The following CNTNAP4 variants were observed in gnomAD, a reference collection of about 807,000 sequenced individuals.
CNTNAP4 encodes the protein contactin-associated protein-like 4.
A neutral mutation model predicts 148.4 loss-of-function variants in CNTNAP4; 98 were observed. That is an observed-to-expected ratio of 0.66 (90% CI 0.56 to 0.78). The LOEUF (loss-of-function observed/expected upper bound fraction) is 0.78. Ranked by LOEUF, CNTNAP4 falls within the 30% of genes least tolerant of loss-of-function variation. The pLI, the probability that CNTNAP4 is intolerant of heterozygous loss-of-function variation, is 0.00. For missense variants in CNTNAP4, 1,935 were observed against 1,565.6 expected (o/e 1.24, Z -3.98); for synonymous variants, 730 against 565.1 (o/e 1.29, Z -4.14).
In CNTNAP4 at chr16:76,467,516, TCAGA is replaced by T. The variant is rs1301877266; in HGVS notation, c.1652_1655del (p.Asp551GlyfsTer58). On this transcript the variant is annotated frameshift_variant, in exon 10 of 24. Transcript: ENST00000611870. LOFTEE classifies it high-confidence loss of function. ...CCTTCAGATAGACTCATGTGGCATC[TCAGA>T]CAGGTAAGGGCAATCTCACTTCATT... 6.2e-7 allele frequency: 1 copy of T among 1,609,024 alleles called. No homozygotes were observed.
At chr16:76,477,217 T>G (rs2143632077) in intron 11 of CNTNAP4, among the ~76,000 whole-genome samples, 1 of 152,246 alleles carries the variant, frequency 6.6e-6, no homozygotes, top group East Asian at 1.9e-4. Context: ...AAATCATGAA[T>G]TTGTTTTTCT....
chr16:76,461,836 T>G (rs1215017735), intron 8 of CNTNAP4, 120 bp from the exon 9 acceptor site: 2 of 753,884 alleles, frequency 2.7e-6, no homozygotes, highest in African/African-American at 3.5e-5. Context: ...GTCATTGTTT[T>G]TAATTAATAA....
chr16:76,332,053 G>A (rs1357520381), intron 2 of CNTNAP4, among the ~76,000 whole-genome samples: 1 of 152,160 alleles, frequency 6.6e-6, no homozygotes, highest in African/African-American at 2.4e-5. Context: ...TGGCCGCCCT[G>A]GTTTCTGCCC....
At chr16:76,526,227 C>T (rs911348084) in intron 17 of CNTNAP4, among the ~76,000 whole-genome samples, 2 of 151,812 alleles carry the variant, frequency 1.3e-5, no homozygotes, top group African/African-American at 4.8e-5. Context: ...GAATTCCAGG[C>T]CATGGCTCAA....
At position 76,558,538 on chromosome 16, in the gene CNTNAP4, C is replaced by T. The variant is rs1179329730; in HGVS notation, c.3782C>T (p.Ala1261Val). 1 of 1,611,236 alleles carries T rather than the reference C, an allele frequency of 6.2e-7. No homozygotes were observed. The highest frequency in any genetic ancestry group is 1.7e-5 in the Admixed American group (1 of 59,980). Residue 1261 changes from alanine (A) to valine (V), a missense_variant, in exon 24 of 24, where the codon GCT becomes GTT. By Grantham distance (64) the Ala-to-Val change is moderately conservative (BLOSUM62 0). Transcript: ENST00000611870. ...ATCTTGCTTTGCATCACTGCCATAG[C>T]TGTTCGCATTTATCAGCAGAAAAGG... ...IFILLCITAI[A>V]VRIYQQKRLY...
chr16:76,553,217 AT>A, intron 21 of CNTNAP4, 65 bp from the exon 22 acceptor site: 2 of 953,944 alleles, frequency 2.1e-6, no homozygotes, highest in South Asian at 3.3e-5. Flanking sequence ...AGAATCCTCA[AT>A]TTCTGCATCA....
chr16:76,522,157 G>T lies in CNTNAP4; in HGVS notation c.2655G>T (p.Met885Ile). 1.2e-6 allele frequency: 2 copies of T among 1,613,946 alleles called. No homozygotes were observed. The highest frequency in any genetic ancestry group is 1.7e-6 in the Non-Finnish European group (2 of 1,179,840). Residue 885 changes from methionine to isoleucine, a missense_variant, in exon 17 of 24, where the codon ATG becomes ATT. Physicochemically the swap from Met to Ile is conservative, Grantham distance 10. Transcript: ENST00000611870. Reference sequence around the variant, plus strand: ...ACCATGTGAGGGTTGAAAGGAACATGAAGGAGGCCTCCCTTCAAGTGGATC... The same window carrying T: ...ACCATGTGAGGGTTGAAAGGAACATTAAGGAGGCCTCCCTTCAAGTGGATC... ...QWHHVRVERN[M>I]KEASLQVDQL...
At chr16:76,471,037 A>C (rs575618154) in intron 10 of CNTNAP4, among the ~76,000 whole-genome samples, 1 of 129,032 alleles carries the variant, frequency 7.8e-6, no homozygotes, top group East Asian at 2.3e-4. Context: ...TACACTCATA[A>C]GTCCTTCCCA....
At chr16:76,537,378 A>C (rs1443337665) in intron 18 of CNTNAP4, among the ~76,000 whole-genome samples, 2 of 152,178 alleles carry the variant, frequency 1.3e-5, no homozygotes, top group African/African-American at 4.8e-5. Context: ...GGAGAGAAGC[A>C]GATTCAGGGA....
intron 2 of CNTNAP4, among the ~76,000 whole-genome samples, chr16:76,318,830 C>A (rs1962105821): frequency 6.6e-6 from 1 of 150,556 alleles, no homozygotes; most frequent in Admixed American, 6.6e-5. Context: ...CATAACATTT[C>A]TCATAATATT....
chr16:76,369,763 G>C (rs2014579500), intron 3 of CNTNAP4, among the ~76,000 whole-genome samples: 1 of 152,238 alleles, frequency 6.6e-6, no homozygotes, highest in Non-Finnish European at 1.5e-5. Flanking sequence ...GATCGCTTCA[G>C]CCTGGGAAGC....
intron 4 of CNTNAP4, among the ~76,000 whole-genome samples, chr16:76,437,844 C>A (rs2079888270): frequency 6.6e-6 from 1 of 152,138 alleles, no homozygotes; most frequent in Non-Finnish European, 1.5e-5. Context: ...TTCAAGCTAA[C>A]TATGACGGTT....
chr16:76,435,538 G>C (rs1597528060), intron 4 of CNTNAP4, among the ~76,000 whole-genome samples: 1 of 152,062 alleles, frequency 6.6e-6, no homozygotes, highest in Non-Finnish European at 1.5e-5. Flanking sequence ...TGACATACAG[G>C]GAAGAGCAAT....
chr16:76,417,849 A>C (rs954852368), intron 3 of CNTNAP4, among the ~76,000 whole-genome samples: 14 of 151,632 alleles, frequency 9.2e-5, no homozygotes, highest in African/African-American at 3.4e-4. Context: ...TCACTTTGGA[A>C]GGATAATTTC....
intron 9 of CNTNAP4, among the ~76,000 whole-genome samples, chr16:76,463,151 T>C (rs1021023626): frequency 6.6e-6 from 1 of 152,206 alleles, no homozygotes; most frequent in Non-Finnish European, 1.5e-5. Context: ...ATAAAACCTT[T>C]TGGAATATAT....
chr16:76,309,601 G>A (rs1298807768), intron 1 of CNTNAP4, among the ~76,000 whole-genome samples: 1 of 152,206 alleles, frequency 6.6e-6, no homozygotes, highest in Non-Finnish European at 1.5e-5. Context: ...GGGCAAAAAT[G>A]AGGGAAGCTG....
intron 17 of CNTNAP4, among the ~76,000 whole-genome samples, chr16:76,528,740 G>A (rs1193321113): frequency 6.6e-6 from 1 of 152,136 alleles, no homozygotes; most frequent in Non-Finnish European, 1.5e-5. Context: ...TACTTTCTGA[G>A]AAAAATCAGT....
chr16:76,400,655 G>A (rs2078376198), intron 3 of CNTNAP4, among the ~76,000 whole-genome samples: 1 of 151,836 alleles, frequency 6.6e-6, no homozygotes, highest in African/African-American at 2.4e-5. Context: ...TGTCTTCAAG[G>A]GCTTTTTTAG....
At position 76,366,857 on chromosome 16, in the gene CNTNAP4, C is replaced by T. The variant is rs150751118; in HGVS notation, c.390+11346C>T. ...AATATTACTAAAGGACATAGAAGAA[C>T]ACTTGATTAAATGCAAGGATGTATC... On this transcript the variant is annotated intron_variant, in intron 3 of 23. Coordinates refer to ENST00000611870, the MANE Select transcript of CNTNAP4 (RefSeq NM_033401.5). Among the ~76,000 whole-genome samples, 325 of 152,090 alleles carry T rather than the reference C, an allele frequency of 2.1e-3. 3 individuals carry two copies. The highest frequency in any genetic ancestry group is 0.017 in the Middle Eastern group (5 of 292).
Sources: allele counts gnomAD v4.1 joint callset (sites outside exome capture counted in the v4.1 genomes callset), GRCh38; gene constraint gnomAD v4.1.1; transcripts MANE v1.5; gene names NCBI Gene and HGNC (gene_info 2026-07-23, HGNC 2026-07-21).